PIEZO2: variants seen among roughly 807,000 people sequenced by gnomAD.
PIEZO2 encodes piezo type mechanosensitive ion channel component 2.
A neutral mutation model predicts 337.3 loss-of-function variants in PIEZO2; 172 were observed. That is an observed-to-expected ratio of 0.51 (90% confidence interval 0.45 to 0.58). The LOEUF (loss-of-function observed/expected upper bound fraction) is 0.58, where lower values mean the gene tolerates loss of function less well. Ranked by LOEUF, PIEZO2 falls within the 20% of genes least tolerant of loss-of-function variation. The probability of loss-of-function intolerance (pLI) is 0.00; values close to 1 mark genes in which losing one functional copy is unlikely to be tolerated. For missense variants in PIEZO2, 3,028 were observed against 3,391.3 expected (o/e 0.89, Z 2.66); for synonymous variants, 1,251 against 1,228.5 (o/e 1.02, Z -0.38).
In PIEZO2 at chr18:11,149,384, A is replaced by G. The variant is rs2040896396; in HGVS notation, c.-796T>C. ...AGGAACGGCGCGAGCGTGGGGAGAAATGGAGACCAGAGCGCATATCGGGTG... is the reference window on the plus strand; with the variant it reads ...AGGAACGGCGCGAGCGTGGGGAGAAGTGGAGACCAGAGCGCATATCGGGTG... On this transcript the variant is annotated 5_prime_UTR_variant, in exon 1 of 56. Transcript: ENST00000674853. This position sits in a 1 kb window ranked among gnomAD's most constrained non-coding sequence, Gnocchi z 8.7. Among the ~76,000 whole-genome samples, 1 of 151,838 alleles carries G rather than the reference A, an allele frequency of 6.6e-6. No homozygotes were observed. The highest frequency in any genetic ancestry group is 2.4e-5 in the African/African-American group (1 of 41,346).
At chr18:10,921,335 A>G (rs1243290921) in intron 3 of PIEZO2, among the ~76,000 whole-genome samples, 4 of 152,174 alleles carry the variant, frequency 2.6e-5, no homozygotes, top group African/African-American at 4.8e-5. Flanking sequence ...GGCTGAAGCC[A>G]TGGCAGAAGA....
rs1446561301 is a variant in PIEZO2 at position 10,766,883 on chromosome 18, T to C, written c.2946+3265A>G. Among the ~76,000 whole-genome samples the C allele has an allele frequency of 6.6e-6, 1 of 152,204 alleles. No individual in the cohort carries two copies. Among genetic ancestry groups the C allele is most frequent in the African/African-American group, 2.4e-5 (1 of 41,450 alleles). ...TTGTGAGTCCTTAATAAAGGCTCAA[T>C]GAATGCTTAGTGAGAGTGAAAATAA... On this transcript the variant is annotated intron_variant, in intron 21 of 55. Transcript: ENST00000674853. The surrounding 1 kb of genome is among the most constrained non-coding windows in gnomAD (Gnocchi z 6.1).
chr18:11,056,536 G>A (rs753760015), intron 2 of PIEZO2, among the ~76,000 whole-genome samples: 1 of 152,182 alleles, frequency 6.6e-6, no homozygotes, highest in African/African-American at 2.4e-5. Context: ...CCAGAAATCA[G>A]GAATCACTCT....
intron 7 of PIEZO2, among the ~76,000 whole-genome samples, chr18:10,822,449 G>C (rs1249658694): frequency 6.6e-6 from 1 of 152,128 alleles, no homozygotes; most frequent in Non-Finnish European, 1.5e-5. Flanking sequence ...AAATACCTTT[G>C]AGAAAACACT....
chr18:11,067,275 G>T (rs1307433126), intron 1 of PIEZO2, among the ~76,000 whole-genome samples: 1 of 151,992 alleles, frequency 6.6e-6, no homozygotes, highest in African/African-American at 2.4e-5. Context: ...AACTGCACTT[G>T]TACACCCTAA....
chr18:10,946,615 C>T (rs1175369918), intron 3 of PIEZO2, among the ~76,000 whole-genome samples: 1 of 152,162 alleles, frequency 6.6e-6, no homozygotes. Flanking sequence ...TCCACCTCAC[C>T]CATCTGCAAT....
At chr18:10,751,023 C>T (rs1291219514) in intron 28 of PIEZO2, among the ~76,000 whole-genome samples, 5 of 152,136 alleles carry the variant, frequency 3.3e-5, no homozygotes, top group Non-Finnish European at 5.9e-5. Flanking sequence ...GTCTCTGATG[C>T]GTTCAAATGG....
intron 1 of PIEZO2, among the ~76,000 whole-genome samples, chr18:11,119,593 C>T (rs539405750): frequency 6.1e-4 from 93 of 152,268 alleles, no homozygotes; most frequent in African/African-American, 2.1e-3. Flanking sequence ...TATATTAACA[C>T]AATGAAATAT....
intron 4 of PIEZO2, among the ~76,000 whole-genome samples, chr18:10,907,115 G>A (rs1260168880): frequency 1.3e-5 from 2 of 152,122 alleles, no homozygotes; most frequent in Non-Finnish European, 2.9e-5. Context: ...CCATATTTCA[G>A]AAAGCCACCA....
intron 7 of PIEZO2, among the ~76,000 whole-genome samples, chr18:10,832,504 C>G (rs2040873866): frequency 1.3e-5 from 2 of 152,166 alleles, no homozygotes; most frequent in South Asian, 4.1e-4. Context: ...GTAATTTACC[C>G]AATGCCTACA....
At chr18:11,026,782 C>T (rs189010494) in intron 2 of PIEZO2, among the ~76,000 whole-genome samples, 3 of 152,248 alleles carry the variant, frequency 2.0e-5, no homozygotes, top group South Asian at 2.1e-4. Flanking sequence ...CATGCATTAT[C>T]GGTTAACAGA....
chr18:10,998,887 T>C (rs1236793765), intron 2 of PIEZO2, among the ~76,000 whole-genome samples: 1 of 150,918 alleles, frequency 6.6e-6, no homozygotes, highest in Non-Finnish European at 1.5e-5. Context: ...AAAGAAAGAT[T>C]GTCACTGCGT....
intron 2 of PIEZO2, among the ~76,000 whole-genome samples, chr18:10,996,112 G>C (rs576824146): frequency 1.6e-4 from 24 of 152,178 alleles, no homozygotes; most frequent in Non-Finnish European, 2.9e-5. Context: ...AATTTTATTA[G>C]CCTTTAAAAC....
intron 21 of PIEZO2, among the ~76,000 whole-genome samples, chr18:10,768,062 A>G (rs1230133410): frequency 6.6e-6 from 1 of 152,208 alleles, no homozygotes; most frequent in African/African-American, 2.4e-5. Flanking sequence ...GCCTCTGTAC[A>G]GTGGATTTTT....
intron 36 of PIEZO2, among the ~76,000 whole-genome samples, chr18:10,730,623 T>C (rs2036725334): frequency 6.6e-6 from 1 of 152,232 alleles, no homozygotes; most frequent in African/African-American, 2.4e-5. Context: ...TATCTTGGTA[T>C]AACGCTGAAT....
rs1263783142 is a variant in PIEZO2 at position 11,032,264 on chromosome 18, T to C, written c.160+33863A>G. 6.6e-6 allele frequency among the ~76,000 whole-genome samples: 1 copy of C among 152,194 alleles called. No individual in the cohort carries two copies. Among genetic ancestry groups the C allele is most frequent in the Non-Finnish European group, 1.5e-5 (1 of 68,034 alleles). ...GGTCCACAGGACAGAGGACAACATT[T>C]GGAACAAATGCAACTTAGTGGTATC... On this transcript the variant is annotated intron_variant, in intron 2 of 55. Transcript: ENST00000674853. The surrounding 1 kb of genome is among the most constrained non-coding windows in gnomAD (Gnocchi z 4.9).
chr18:10,826,867 C>T (rs1387884998), intron 7 of PIEZO2, among the ~76,000 whole-genome samples: 1 of 152,190 alleles, frequency 6.6e-6, no homozygotes, highest in African/African-American at 2.4e-5. Context: ...AACCTTCTGC[C>T]ACCTCTCTCC....
intron 2 of PIEZO2, among the ~76,000 whole-genome samples, chr18:11,050,138 G>A (rs549967222): frequency 9.9e-5 from 15 of 152,004 alleles, no homozygotes; most frequent in African/African-American, 3.4e-4. Flanking sequence ...TAAAAGACCC[G>A]CATTAATTTA....
intron 4 of PIEZO2, among the ~76,000 whole-genome samples, chr18:10,884,647 C>T (rs555533436): frequency 1.6e-4 from 24 of 152,290 alleles, no homozygotes; most frequent in African/African-American, 5.5e-4. Context: ...CAGAAATCTC[C>T]GTCCTTCTAC....
Sources: gnomAD v4.1 joint callset for allele counts (sites outside exome capture counted in the v4.1 genomes callset) on GRCh38, gnomAD v4.1.1 for gene constraint, Gnocchi (gnomAD v3.1) non-coding constraint, MANE v1.5 for transcripts, NCBI Gene and HGNC (gene_info 2026-07-23, HGNC 2026-07-21) for gene names.